The following PDCL2 variants were observed in gnomAD, a reference collection of about 807,000 sequenced individuals.
PDCL2 encodes phosducin-like protein 2.
PDCL2 carries 23 observed loss-of-function variants against 30.3 expected under a neutral mutation model. That is an observed-to-expected ratio of 0.76 (90% CI 0.55 to 1.08). The LOEUF (loss-of-function observed/expected upper bound fraction) is 1.08, where lower values mean the gene tolerates loss of function less well. Among genes scored for constraint, PDCL2 ranks in the 50% least tolerant of loss-of-function variants. The probability of loss-of-function intolerance (pLI) is 0.00; values close to 1 mark genes in which losing one functional copy is unlikely to be tolerated. For missense variants in PDCL2, 243 were observed against 282.3 expected (o/e 0.86, Z 1.00); for synonymous variants, 68 against 86.2 (o/e 0.79, Z 1.17).
chr4:55,572,838 T>C (rs772104751), intron 3 of PDCL2, among the ~76,000 whole-genome samples: 8 of 151,984 alleles, frequency 5.3e-5, no homozygotes, highest in Non-Finnish European at 1.0e-4. Context: ...CGGCTCACTG[T>C]AAGCTCCGCC....
At chr4:55,583,087 T>C (rs147228145) in intron 1 of PDCL2, among the ~76,000 whole-genome samples, 4,071 of 152,206 alleles carry the variant, frequency 0.027, 193 homozygotes, top group African/African-American at 0.093. Flanking sequence ...GTAATTCTCA[T>C]GCCTCAGCCT....
intron 3 of PDCL2, among the ~76,000 whole-genome samples, chr4:55,579,037 G>T (rs187648447): frequency 6.6e-6 from 1 of 151,988 alleles, no homozygotes; most frequent in Non-Finnish European, 1.5e-5. Context: ...CATGTATTAA[G>T]TTATTTATTT....
At position 55,562,460 on chromosome 4, in the gene PDCL2, A is replaced by T; in HGVS notation, c.515T>A (p.Ile172Lys). 6.5e-7 allele frequency: 1 copy of T among 1,536,052 alleles called. No homozygotes were observed. ...TATAATTCCAATGAATTTGGCTTCT[A>T]TCTGACCATTTTTATACACAAAAAT... ...PTIFVYKNGQIEAKFIGIIEC... is the reference protein window; with the variant it reads ...PTIFVYKNGQKEAKFIGIIEC... Residue 172 changes from isoleucine to lysine, a missense_variant, in exon 5 of 6, where the codon ATA (isoleucine) becomes AAA (lysine). Transcript: ENST00000295645.
Position 55,580,882 on chromosome 4 carries a change from G to T in PDCL2, c.157C>A (p.Gln53Lys), listed in dbSNP as rs1732690060. 2.5e-6 allele frequency: 4 copies of T among 1,607,734 alleles called. No homozygotes were observed. Among genetic ancestry groups the T allele is most frequent in the Non-Finnish European group, 3.4e-6 (4 of 1,177,608 alleles). ...AATTCATCTTCAGCTTCCTTTAGCT[G>T]TGCAAGAGTCATCTTTTCAAATGGT... ...VKPFEKMTLA[Q>K]LKEAEDEFDE... The change falls in exon 3 of 6, where the codon CAG (glutamine) becomes AAG (lysine). Residue 53 changes from glutamine (Q) to lysine (K), a missense_variant. Coordinates refer to ENST00000295645, the MANE Select transcript of PDCL2 (RefSeq NM_152401.3).
At chr4:55,570,212 A>T (rs11732481) in intron 3 of PDCL2, among the ~76,000 whole-genome samples, 114,908 of 152,092 alleles carry the variant, frequency 0.76, 43,789 homozygotes, top group East Asian at 0.9. Flanking sequence ...ATCCAACATT[A>T]ACCAAGTGCT....
chr4:55,579,323 TTTTG>T (rs561786135), intron 3 of PDCL2, among the ~76,000 whole-genome samples: 117 of 152,200 alleles, frequency 7.7e-4, no homozygotes, highest in Admixed American at 4.5e-3. Flanking sequence ...TTTATTTGTT[TTTTG>T]TTTGTTTGTT....
At chr4:55,571,941 T>G (rs1732437304) in intron 3 of PDCL2, among the ~76,000 whole-genome samples, 1 of 151,944 alleles carries the variant, frequency 6.6e-6, no homozygotes, top group Non-Finnish European at 1.5e-5. Context: ...ACCGAGTATC[T>G]AACTTCCCGC....
intron 2 of PDCL2, 142 bp from the exon 3 acceptor site, chr4:55,581,053 G>T: frequency 1.8e-6 from 1 of 548,728 alleles, no homozygotes; most frequent in Non-Finnish European, 3.1e-6. Flanking sequence ...CCAGTACTTT[G>T]ATAGGTCGAG....
Position 55,592,219 on chromosome 4 carries a change from G to A in PDCL2, c.-110C>T, listed in dbSNP as rs1439075040. 3 of 1,509,058 alleles carry A rather than the reference G, an allele frequency of 2.0e-6. No individual in the cohort carries two copies. The highest frequency in any genetic ancestry group is 2.7e-6 in the Non-Finnish European group (3 of 1,114,858). The allele number at this position is 1,509,058 out of a possible 1,614,324, so 93.5% of individuals were successfully genotyped here. ...CTGGAAGAGCGCCCGCTTCAGGCCC[G>A]GCGGTTTCGAGTGACCGCCAGAAGA... On this transcript the variant is annotated 5_prime_UTR_variant, in exon 1 of 6. Transcript: ENST00000295645.
At chr4:55,569,346 CAGTT>C (rs1393031868) in intron 4 of PDCL2, among the ~76,000 whole-genome samples, 1 of 152,032 alleles carries the variant, frequency 6.6e-6, no homozygotes, top group Non-Finnish European at 1.5e-5. Flanking sequence ...CACACAGAAA[CAGTT>C]ATATAAATAT....
At chr4:55,589,302 G>A (rs1185200534) in intron 1 of PDCL2, among the ~76,000 whole-genome samples, 1 of 152,078 alleles carries the variant, frequency 6.6e-6, no homozygotes, top group Non-Finnish European at 1.5e-5. Flanking sequence ...TTCTGTCCTC[G>A]AAAACTTATT....
chr4:55,576,091 G>A (rs1249519681), intron 3 of PDCL2, among the ~76,000 whole-genome samples: 1 of 151,850 alleles, frequency 6.6e-6, no homozygotes, highest in African/African-American at 2.4e-5. Context: ...ATTGGAATTG[G>A]TTTCTTTTTT....
chr4:55,569,711 T>A lies in PDCL2; in HGVS notation c.362+7A>T. ...ATATTAACATTTTGAAATATTATGG[T>A]AATTACCTTGATCTGTATAGATGAA... On this transcript the variant is annotated splice_region_variant and intron_variant, in intron 4 of 5. Transcript: ENST00000295645. 2 of 1,501,698 alleles carry A rather than the reference T, an allele frequency of 1.3e-6. No homozygotes were observed. The highest frequency in any genetic ancestry group is 1.8e-6 in the Non-Finnish European group (2 of 1,125,944). 93.0% of individuals were successfully genotyped at this position (1,501,698 alleles called of 1,614,324 possible). A position where few individuals can be genotyped will look rare whatever the true frequency, so the allele number is the denominator to read the frequency against.
At position 55,592,208 on chromosome 4, in the gene PDCL2, G is replaced by A. The variant is rs1733024072; in HGVS notation, c.-99C>T. On this transcript the variant is annotated 5_prime_UTR_variant, in exon 1 of 6. Coordinates refer to ENST00000295645, the MANE Select transcript of PDCL2 (RefSeq NM_152401.3). Reference sequence around the variant, plus strand: ...CCTTCTCCAGGCTGGAAGAGCGCCCGCTTCAGGCCCGGCGGTTTCGAGTGA... The same window carrying A: ...CCTTCTCCAGGCTGGAAGAGCGCCCACTTCAGGCCCGGCGGTTTCGAGTGA... 2.0e-6 allele frequency: 3 copies of A among 1,535,638 alleles called. No homozygotes were observed. Among genetic ancestry groups the A allele is most frequent in the Non-Finnish European group, 1.8e-6 (2 of 1,133,454 alleles).
intron 3 of PDCL2, among the ~76,000 whole-genome samples, chr4:55,579,279 A>T (rs2110164219): frequency 6.6e-6 from 1 of 152,226 alleles, no homozygotes; most frequent in South Asian, 2.1e-4. Flanking sequence ...GCAGTTCGCT[A>T]AGGAGCACTA....
intron 5 of PDCL2, among the ~76,000 whole-genome samples, chr4:55,558,284 G>A (rs925570692): frequency 2.0e-5 from 3 of 152,128 alleles, no homozygotes; most frequent in Admixed American, 2.0e-4. Context: ...CCCACGTGTT[G>A]TGGGTGGGAG....
rs28683692 is a variant in PDCL2, at chr4:55,580,938, C to T, written c.128-27G>A. ...TAAAACAACATAAATTATAGATTAT[C>T]AAATTGTTTAAAAATTTTTTTACTA... On this transcript the variant is annotated intron_variant, in intron 2 of 5. Transcript: ENST00000295645. 4,076 of 1,547,928 alleles carry T rather than the reference C, an allele frequency of 2.6e-3. 111 individuals are homozygous for T. In the African/African-American group the frequency reaches 0.052, roughly 20 times the overall value.
chr4:55,589,012 C>T (rs1229692298), intron 1 of PDCL2, among the ~76,000 whole-genome samples: 1 of 152,064 alleles, frequency 6.6e-6, no homozygotes, highest in Admixed American at 6.5e-5. Flanking sequence ...CGCCTGCCAC[C>T]AAACCTGGCT....
At chr4:55,578,976 T>C (rs982147477) in intron 3 of PDCL2, among the ~76,000 whole-genome samples, 1 of 152,202 alleles carries the variant, frequency 6.6e-6, no homozygotes, top group African/African-American at 2.4e-5. Flanking sequence ...TTTACACTTA[T>C]TAATTAAAAC....
Sources: allele counts gnomAD v4.1 joint callset (sites outside exome capture counted in the v4.1 genomes callset), GRCh38; gene constraint gnomAD v4.1.1; transcripts MANE v1.5; gene names NCBI Gene and HGNC (gene_info 2026-07-23, HGNC 2026-07-21).